The following UBN2 variants were observed in gnomAD, a reference collection of about 807,000 sequenced individuals.
UBN2 encodes ubinuclein-2.
In UBN2, 35 loss-of-function variants were observed where a neutral mutation model predicts 120.2. That is an observed-to-expected ratio of 0.29 (90% CI 0.22 to 0.39). The LOEUF is 0.39. UBN2 is among the 10% of genes least tolerant of loss of function. UBN2 has a pLI of 1.00. For missense variants in UBN2, 1,693 were observed against 1,663.2 expected, an observed-to-expected ratio of 1.02 and a Z score of -0.31; for synonymous variants, 661 against 648.7, an observed-to-expected ratio of 1.02 and a Z score of -0.29.
chr7:139,294,989 C>A (rs908106015), intron 17 of UBN2, among the ~76,000 whole-genome samples: 3 of 152,186 alleles, frequency 2.0e-5, no homozygotes, highest in Non-Finnish European at 2.9e-5. Context: ...AGTCTACCTC[C>A]ATAGACACTG....
At chr7:139,316,932 A>T in the UBN2 span, among the ~76,000 whole-genome samples, 1 of 149,550 alleles carries the variant, frequency 6.7e-6, no homozygotes. Flanking sequence ...GATGTTCCTA[A>T]ATTTCTTTTT....
intron 2 of UBN2, among the ~76,000 whole-genome samples, chr7:139,245,097 CTTTTTTTTTT>C (rs537219130): frequency 1.0e-5 from 1 of 100,334 alleles, no homozygotes; most frequent in African/African-American, 4.6e-5. Context: ...CCATGCCCAG[CTTTTTTTTTT>C]TTTTTTTTTT....
At chr7:139,259,774 A>G (rs1796875243) in intron 5 of UBN2, among the ~76,000 whole-genome samples, 1 of 152,154 alleles carries the variant, frequency 6.6e-6, no homozygotes, top group Non-Finnish European at 1.5e-5. Context: ...TTTGAGACAG[A>G]GTCTCACTGT....
chr7:139,283,201 T>G lies in UBN2; in HGVS notation c.2296T>G (p.Ser766Ala). Residue 766 changes from serine (S) to alanine (A), a missense_variant, in exon 15 of 18, where the codon TCA (serine) becomes GCA (alanine). Ser to Ala is a moderately conservative substitution (Grantham distance 99). This residue lies in a region of UBN2 where 837 missense variants were observed against 817.6 expected (regional missense o/e 1.02). Coordinates refer to ENST00000473989, the MANE Select transcript of UBN2 (RefSeq NM_173569.4). ...TGAAGACCTTTCTTTCCATTCACCT[T>G]CACTGGATCTTGTTTCTGAAGCTTT... ...LDEDLSFHSP[S>A]LDLVSEALAV... is the part of the protein sequence containing the mutation. 1.2e-6 allele frequency: 2 copies of G among 1,612,736 alleles called. No homozygotes were observed. The highest frequency in any genetic ancestry group is 1.7e-6 in the Non-Finnish European group (2 of 1,179,880).
chr7:139,293,456 A>C lies in UBN2; in HGVS notation c.3894A>C (p.Leu1298=), dbSNP rs777575997. 1.9e-6 allele frequency: 3 copies of C among 1,614,034 alleles called. No individual in the cohort carries two copies. In the East Asian group the frequency reaches 6.7e-5, roughly 36 times the overall value. Residue 1298 remains leucine, a synonymous_variant, in exon 16 of 18, where the codon CTA becomes CTC. Transcript: ENST00000473989. ...GSTSAAFHHS[L]TQNLLKGLQP... ...CCTCAGCCGCTTTCCACCATAGCCTAACTCAGAGTAAGTGGGGCTCTTCTA... is the reference window on the plus strand; with the variant it reads ...CCTCAGCCGCTTTCCACCATAGCCTCACTCAGAGTAAGTGGGGCTCTTCTA...
intron 13 of UBN2, among the ~76,000 whole-genome samples, chr7:139,279,636 G>T (rs1452323564): frequency 1.3e-5 from 2 of 152,182 alleles, no homozygotes; most frequent in African/African-American, 4.8e-5. Context: ...GCATAGGTGA[G>T]ATTGAAAAAT....
chr7:139,303,771 T>A lies in UBN2; in HGVS notation c.*5935T>A, dbSNP rs984885659. On this transcript the variant is annotated 3_prime_UTR_variant, in exon 18 of 18. Coordinates refer to ENST00000473989, the MANE Select transcript of UBN2 (RefSeq NM_173569.4). ...TGGTTTTTAAATTTAAAAAAATCAC[T>A]GGAATTTTAATTTAGATACATATTT... is the stretch of plus-strand genomic sequence containing the variant. The A allele has an allele frequency of 2.0e-5, 3 of 152,188 alleles. No homozygotes were observed. The highest frequency in any genetic ancestry group is 7.2e-5 in the African/African-American group (3 of 41,446). 9.4% of individuals were successfully genotyped at this position (152,188 alleles called of 1,614,324 possible).
chr7:139,237,193 G>T, intron 2 of UBN2, 96 bp downstream of exon 2: 1 of 711,134 alleles, frequency 1.4e-6, no homozygotes, highest in Non-Finnish European at 2.4e-6. Context: ...TCCGTTGCCT[G>T]CCTTACTTTG....
chr7:139,235,949 TC>T (rs1190780994), intron 1 of UBN2, among the ~76,000 whole-genome samples: 1 of 152,228 alleles, frequency 6.6e-6, no homozygotes, highest in Non-Finnish European at 1.5e-5. Context: ...GTGCACATCT[TC>T]CTTCTGCATT....
chr7:139,293,989 C>T lies in UBN2; in HGVS notation c.3994+8C>T, dbSNP rs773501008. On this transcript the variant is annotated splice_region_variant and intron_variant, in intron 17 of 17. Coordinates refer to ENST00000473989, the MANE Select transcript of UBN2 (RefSeq NM_173569.4). ...TACAGCAAGCATTTCACGGTGAGAA[C>T]GCCACCTCCTTCATCTCTTTCTTAT... 72 of 1,612,748 alleles carry T rather than the reference C, an allele frequency of 4.5e-5. No homozygotes were observed. The South Asian group carries it at 6.0e-4, about 14-fold the overall frequency.
At chr7:139,275,907 C>A (rs1797429420) in intron 11 of UBN2, among the ~76,000 whole-genome samples, 190 bp from the exon 12 acceptor site, 1 of 151,960 alleles carries the variant, frequency 6.6e-6, no homozygotes, top group Admixed American at 6.6e-5. Context: ...CCCAGGAGGC[C>A]TAGGTTATAG....
At position 139,299,819 on chromosome 7, in the gene UBN2, T is replaced by C. The variant is rs574082777; in HGVS notation, c.*1983T>C. On this transcript the variant is annotated 3_prime_UTR_variant, in exon 18 of 18. Transcript: ENST00000473989. ...TTCAAATGTAGTGGACCTCTTGCTT[T>C]TACGAAATATGAATAAAAAGGTCTT... 1.1e-3 allele frequency: 172 copies of C among 152,252 alleles called. No individual in the cohort carries two copies. Among genetic ancestry groups the C allele is most frequent in the African/African-American group, 4.0e-3 (165 of 41,554 alleles). 9.4% of individuals were successfully genotyped at this position (152,252 alleles called of 1,614,324 possible).
rs576475785 is a variant in UBN2 at position 139,299,500 on chromosome 7, A to G, written c.*1664A>G. 2 of 152,328 alleles carry G rather than the reference A, an allele frequency of 1.3e-5. No individual in the cohort carries two copies. The highest frequency in any genetic ancestry group is 1.9e-4 in the East Asian group (1 of 5,186). 9.4% of individuals were successfully genotyped at this position (152,328 alleles called of 1,614,324 possible). ...TCTGTATGCCTATATTTTGACTTCAAAGTCACATTGGCTTGCTTCATAGCG... is the reference window on the plus strand; with the variant it reads ...TCTGTATGCCTATATTTTGACTTCAGAGTCACATTGGCTTGCTTCATAGCG... On this transcript the variant is annotated 3_prime_UTR_variant, in exon 18 of 18. Coordinates refer to ENST00000473989, the MANE Select transcript of UBN2 (RefSeq NM_173569.4).
the UBN2 span, among the ~76,000 whole-genome samples, chr7:139,322,519 C>G: frequency 6.6e-6 from 1 of 152,092 alleles, no homozygotes; most frequent in Non-Finnish European, 1.5e-5. Context: ...GCCATGTCCC[C>G]TGGCCCTCTT....
intron 6 of UBN2, among the ~76,000 whole-genome samples, chr7:139,262,729 A>C (rs1796976410): frequency 6.6e-6 from 1 of 151,376 alleles, no homozygotes. Context: ...AAAAAAAAAA[A>C]CCCAAATAAA....
At chr7:139,319,303 G>A in the UBN2 span, among the ~76,000 whole-genome samples, 3 of 152,074 alleles carry the variant, frequency 2.0e-5, no homozygotes, top group African/African-American at 2.4e-5. Context: ...GGCTGATCTC[G>A]AACTCCTGAC....
chr7:139,326,122 G>A, the UBN2 span, among the ~76,000 whole-genome samples: 3 of 152,084 alleles, frequency 2.0e-5, no homozygotes, highest in South Asian at 6.2e-4. Flanking sequence ...CAGGCGTGGT[G>A]GTGTGTACCT....
rs2130960388 is a variant in UBN2, at chr7:139,251,993, A to G, written c.599A>G (p.Gln200Arg). The G allele has an allele frequency of 1.2e-6, 2 of 1,614,182 alleles. No individual in the cohort carries two copies. Among genetic ancestry groups the G allele is most frequent in the Non-Finnish European group, 1.7e-6 (2 of 1,180,012 alleles). The part of the protein sequence containing the change: ...KPRKHRKDRL[Q>R]DLIDIGFGYD... ...CGTAAACACCGGAAGGATCGGCTAC[A>G]AGATTTAATTGATATAGGCTTTGGC... Residue 200 changes from glutamine (Q) to arginine (R), a missense_variant, in exon 3 of 18, where the codon CAA becomes CGA. Gln to Arg is a conservative substitution (Grantham distance 43). Around this residue, in one of 5 missense-constraint regions of UBN2, gnomAD observed 663 missense variants for 591.2 expected, o/e 1.12. Coordinates refer to ENST00000473989, the MANE Select transcript of UBN2 (RefSeq NM_173569.4).
intron 2 of UBN2, among the ~76,000 whole-genome samples, chr7:139,244,935 A>T (rs900067684): frequency 4.0e-5 from 6 of 151,830 alleles, no homozygotes; most frequent in African/African-American, 1.4e-4. Context: ...ACAATTTTTT[A>T]AAATTTATTT....
Sources: allele counts gnomAD v4.1 joint callset (sites outside exome capture counted in the v4.1 genomes callset), GRCh38; gene constraint gnomAD v4.1.1; regional missense constraint gnomAD v4.1.1; transcripts MANE v1.5; gene names NCBI Gene and HGNC (gene_info 2026-07-23, HGNC 2026-07-21).